Variants in TRIM2 observed in about 807,000 individuals in gnomAD.
TRIM2 encodes the protein tripartite motif containing 2, also known as tripartite motif-containing protein 2.
Under a neutral mutation model 75.2 loss-of-function variants are expected in TRIM2, and 20 were observed. The observed-to-expected ratio is 0.27, with a 90% confidence interval of 0.19 to 0.39. The LOEUF is 0.39. TRIM2 is among the 10% of genes least tolerant of loss of function. TRIM2 has a pLI of 1.00. For missense variants in TRIM2, 660 were observed against 990.8 expected, an observed-to-expected ratio of 0.67 and a Z score of 4.48; for synonymous variants, 373 against 388.3, an observed-to-expected ratio of 0.96 and a Z score of 0.46.
chr4:153,207,135 C>T (rs1250646882), intron 1 of TRIM2, among the ~76,000 whole-genome samples: 11 of 152,174 alleles, frequency 7.2e-5, no homozygotes, highest in Admixed American at 6.5e-4. Flanking sequence ...ATCACAATAT[C>T]ACACCTTCCT....
At chr4:153,193,088 G>T (rs541661543) in intron 1 of TRIM2, among the ~76,000 whole-genome samples, 1 of 150,546 alleles carries the variant, frequency 6.6e-6, no homozygotes, top group Non-Finnish European at 1.5e-5. Flanking sequence ...TCTCTTAGGA[G>T]CATGCCTGCC....
intron 1 of TRIM2, among the ~76,000 whole-genome samples, chr4:153,221,852 AAAG>A (rs1210412567): frequency 9.3e-6 from 1 of 107,164 alleles, no homozygotes; most frequent in African/African-American, 3.6e-5. Flanking sequence ...AAGCGCGAGG[AAAG>A]AAGAGAGAGA....
At chr4:153,184,846 T>C (rs1408364115) in intron 1 of TRIM2, among the ~76,000 whole-genome samples, 3 of 152,176 alleles carry the variant, frequency 2.0e-5, no homozygotes, top group African/African-American at 4.8e-5. Flanking sequence ...GCTGCCACCT[T>C]CATGCCTGGT....
intron 1 of TRIM2, among the ~76,000 whole-genome samples, chr4:153,245,079 G>A (rs1748762513): frequency 6.6e-6 from 1 of 152,186 alleles, no homozygotes; most frequent in African/African-American, 2.4e-5. Flanking sequence ...TCTGTGCACA[G>A]CACTGAGAAG....
intron 11 of TRIM2, among the ~76,000 whole-genome samples, chr4:153,330,677 ATTCAT>A (rs1190659876): frequency 6.6e-6 from 1 of 152,220 alleles, no homozygotes; most frequent in Non-Finnish European, 1.5e-5. Flanking sequence ...TTTAATACCC[ATTCAT>A]GACAAAACTC....
At chr4:153,212,059 A>G (rs1376947614) in intron 1 of TRIM2, among the ~76,000 whole-genome samples, 1 of 152,066 alleles carries the variant, frequency 6.6e-6, no homozygotes, top group Non-Finnish European at 1.5e-5. Flanking sequence ...GGTAGGCTAC[A>G]TTTCCCAGCC....
rs560561884 is a variant in TRIM2, at chr4:153,269,210, C to T, written c.31-1125C>T. On this transcript the variant is annotated intron_variant, in intron 1 of 11. Transcript: ENST00000338700. Reference sequence around the variant, plus strand: ...ATTATCAAGGGCTTCACAACCTCCTCTTTGGGTTTTATATACCATTTTGAC... The same window carrying T: ...ATTATCAAGGGCTTCACAACCTCCTTTTTGGGTTTTATATACCATTTTGAC... Among the ~76,000 whole-genome samples, 12 of 152,248 alleles carry T rather than the reference C, an allele frequency of 7.9e-5. No homozygotes were observed. In the South Asian group the frequency reaches 2.3e-3, roughly 29 times the overall value.
intron 1 of TRIM2, among the ~76,000 whole-genome samples, chr4:153,208,156 G>A (rs1735985117): frequency 1.3e-5 from 2 of 152,012 alleles, no homozygotes; most frequent in South Asian, 4.2e-4. Context: ...AAATTAGCTG[G>A]GCATGGTGGT....
At chr4:153,293,422 T>C (rs930153898) in intron 4 of TRIM2, among the ~76,000 whole-genome samples, 5 of 152,114 alleles carry the variant, frequency 3.3e-5, no homozygotes, top group African/African-American at 1.2e-4. Flanking sequence ...CTCAGGAGAG[T>C]TCTGAAATTC....
chr4:153,335,232 T>A lies in TRIM2; in HGVS notation c.*266T>A. 2 of 1,133,232 alleles carry A rather than the reference T, an allele frequency of 1.8e-6. No individual in the cohort carries two copies. Among genetic ancestry groups the A allele is most frequent in the Non-Finnish European group, 2.2e-6 (2 of 925,282 alleles). The allele number at this position is 1,133,232 out of a possible 1,614,324, so 70.2% of individuals were successfully genotyped here. A position where few individuals can be genotyped will look rare whatever the true frequency, so the allele number is the denominator to read the frequency against. On this transcript the variant is annotated 3_prime_UTR_variant, in exon 12 of 12. Transcript: ENST00000338700. ...TGAACTATGGCTTAAGGGACAGGAT[T>A]TATGTAGCTAAACTAATTTTGCAAA...
At chr4:153,322,126 AG>A (rs1297765378) in intron 8 of TRIM2, among the ~76,000 whole-genome samples, 1 of 151,730 alleles carries the variant, frequency 6.6e-6, no homozygotes, top group African/African-American at 2.4e-5. Context: ...AAGGATTTTA[AG>A]GGCTGGGCAC....
At chr4:153,264,389 C>A (rs1267157763) in intron 1 of TRIM2, among the ~76,000 whole-genome samples, 1 of 152,138 alleles carries the variant, frequency 6.6e-6, no homozygotes, top group Non-Finnish European at 1.5e-5. Context: ...CAGGCGAAGT[C>A]CACCCCAGGC....
chr4:153,276,215 T>A (rs774710295), intron 3 of TRIM2, 85 bp downstream of exon 3: 72 of 1,123,710 alleles, frequency 6.4e-5, no homozygotes, highest in Non-Finnish European at 8.9e-5. Flanking sequence ...AGATTACAGA[T>A]TGAAACAGAA....
At chr4:153,320,274 C>T (rs1416886300) in intron 8 of TRIM2, among the ~76,000 whole-genome samples, 1 of 152,104 alleles carries the variant, frequency 6.6e-6, no homozygotes, top group Middle Eastern at 3.2e-3. Flanking sequence ...TTCCTTTGCT[C>T]TAAAGAGATG....
At chr4:153,315,041 G>C (rs1359316502) in intron 6 of TRIM2, among the ~76,000 whole-genome samples, 1 of 152,136 alleles carries the variant, frequency 6.6e-6, no homozygotes, top group African/African-American at 2.4e-5. Flanking sequence ...TGCAAACCAG[G>C]TCCACAAAGA....
chr4:153,236,973 C>A (rs1303744519), intron 1 of TRIM2, among the ~76,000 whole-genome samples: 4 of 152,228 alleles, frequency 2.6e-5, no homozygotes, highest in Non-Finnish European at 5.9e-5. Flanking sequence ...ATGTAATATG[C>A]ATGAGCCACC....
intron 8 of TRIM2, among the ~76,000 whole-genome samples, chr4:153,320,875 AC>A (rs1768806197): frequency 6.6e-6 from 1 of 152,040 alleles, no homozygotes; most frequent in South Asian, 2.1e-4. Context: ...CAAGTTATCC[AC>A]CCACCTCGGC....
chr4:153,177,516 C>A (rs1030541445), intron 1 of TRIM2, among the ~76,000 whole-genome samples: 1 of 152,052 alleles, frequency 6.6e-6, no homozygotes, highest in Non-Finnish European at 1.5e-5. Context: ...CATGGTGGCA[C>A]ATGCCTGTAA....
intron 1 of TRIM2, among the ~76,000 whole-genome samples, chr4:153,233,776 T>C (rs1744279648): frequency 6.6e-6 from 1 of 152,100 alleles, no homozygotes; most frequent in South Asian, 2.1e-4. Flanking sequence ...ACATTCAGGG[T>C]CTATGATATC....
Sources: gnomAD v4.1 joint callset for allele counts (sites outside exome capture counted in the v4.1 genomes callset) on GRCh38, gnomAD v4.1.1 for gene constraint, MANE v1.5 for transcripts, NCBI Gene and HGNC (gene_info 2026-07-23, HGNC 2026-07-21) for gene names.